The following AUH variants were observed in gnomAD, a reference collection of about 807,000 sequenced individuals.
The protein encoded by AUH is AU RNA binding methylglutaconyl-CoA hydratase, also known as methylglutaconyl-CoA hydratase, mitochondrial.
AUH carries 29 observed loss-of-function variants against 42.3 expected under a neutral mutation model. The observed-to-expected ratio is 0.69, with a 90% confidence interval of 0.51 to 0.93. The LOEUF is 0.93. Ranked by LOEUF, AUH falls within the 40% of genes least tolerant of loss-of-function variation. The pLI is 0.00. For missense variants in AUH, 452 were observed against 438.1 expected (o/e 1.03, Z -0.28); for synonymous variants, 174 against 166.4 (o/e 1.05, Z -0.35).
chr9:91,323,676 A>G (rs773838667), intron 4 of AUH, among the ~76,000 whole-genome samples: 11 of 152,126 alleles, frequency 7.2e-5, no homozygotes, highest in Admixed American at 6.6e-5. Context: ...CAAGACTACA[A>G]CGAAAACAAG....
At chr9:91,264,968 C>A (rs1829893299) in intron 6 of AUH, among the ~76,000 whole-genome samples, 1 of 152,162 alleles carries the variant, frequency 6.6e-6, no homozygotes, top group Admixed American at 6.5e-5. Context: ...GATGAAACAA[C>A]TGATGCCAGC....
chr9:91,332,844 C>G (rs905837124), intron 3 of AUH, among the ~76,000 whole-genome samples: 3 of 152,172 alleles, frequency 2.0e-5, no homozygotes, highest in Non-Finnish European at 4.4e-5. Flanking sequence ...GAGCATGGCC[C>G]GAGGGCAGAG....
At position 91,214,028 on chromosome 9, in the gene AUH, G is replaced by A. The variant is rs1826685063; in HGVS notation, c.*320C>T. Reference sequence around the variant, plus strand: ...GACATACAATCAATATTATTCCCTAGAATGTGCAATATATAAATTATTCAC... The same window carrying A: ...GACATACAATCAATATTATTCCCTAAAATGTGCAATATATAAATTATTCAC... On this transcript the variant is annotated 3_prime_UTR_variant, in exon 10 of 10. Transcript: ENST00000375731. 3.5e-6 allele frequency: 1 copy of A among 283,864 alleles called. No individual in the cohort carries two copies. Among genetic ancestry groups the A allele is most frequent in the Admixed American group, 4.7e-5 (1 of 21,142 alleles). The allele number at this position is 283,864 out of a possible 1,614,324, so 17.6% of individuals were successfully genotyped here. A position where few individuals can be genotyped will look rare whatever the true frequency, so the allele number is the denominator to read the frequency against.
At chr9:91,347,063 G>T (rs1007368389) in intron 3 of AUH, among the ~76,000 whole-genome samples, 4 of 151,826 alleles carry the variant, frequency 2.6e-5, no homozygotes, top group African/African-American at 9.7e-5. Flanking sequence ...TTGAGACAGG[G>T]TCTCACTTTG....
intron 6 of AUH, among the ~76,000 whole-genome samples, chr9:91,259,005 A>C (rs891163544): frequency 6.6e-5 from 10 of 152,076 alleles, no homozygotes; most frequent in African/African-American, 2.2e-4. Context: ...CTATTTTTGT[A>C]TTTGGTAGGA....
At chr9:91,245,681 GGCATT>G (rs977543337) in intron 6 of AUH, among the ~76,000 whole-genome samples, 17 of 152,070 alleles carry the variant, frequency 1.1e-4, no homozygotes, top group African/African-American at 4.1e-4. Context: ...GTGACTTATG[GGCATT>G]ATCTCATTCA....
Position 91,325,590 on chromosome 9 carries a change from T to G in AUH, c.419-186A>C, listed in dbSNP as rs915912892. On this transcript the variant is annotated intron_variant, in intron 3 of 9. Coordinates refer to ENST00000375731, the MANE Select transcript of AUH (RefSeq NM_001698.3). Reference sequence around the variant, plus strand: ...CAACAAGAATAAAGTATTTGTCTATTCATACGTCTACCATGTGCTTAAAGC... The same window carrying G: ...CAACAAGAATAAAGTATTTGTCTATGCATACGTCTACCATGTGCTTAAAGC... Among the ~76,000 whole-genome samples, 3 of 152,352 alleles carry G rather than the reference T, an allele frequency of 2.0e-5. No homozygotes were observed. In the South Asian group the frequency reaches 6.2e-4, roughly 32 times the overall value.
At chr9:91,328,094 G>A (rs1830083255) in intron 3 of AUH, among the ~76,000 whole-genome samples, 1 of 152,194 alleles carries the variant, frequency 6.6e-6, no homozygotes, top group Non-Finnish European at 1.5e-5. Context: ...GGCTGGCAAA[G>A]TGGCACTGAA....
In AUH at chr9:91,296,056, A is replaced by C. The variant is rs775913288; in HGVS notation, c.620T>G (p.Leu207Arg). 1.2e-6 allele frequency: 2 copies of C among 1,613,990 alleles called. No homozygotes were observed. Among genetic ancestry groups the C allele is most frequent in the Non-Finnish European group, 1.7e-6 (2 of 1,180,010 alleles). ...AATAATCGCCAATTTTGTTTCAACCAGGCCCATTTTTGCAGAGGAAGCTAA... is the reference window on the plus strand; with the variant it reads ...AATAATCGCCAATTTTGTTTCAACCCGGCCCATTTTTGCAGAGGAAGCTAA... ...RVAASSAKMG[L>R]VETKLAIIPG... The change falls in exon 6 of 10, where the codon CTG becomes CGG. Residue 207 changes from leucine (L) to arginine (R), a missense_variant. Physicochemically the swap from Leu to Arg is moderately radical, Grantham distance 102. Coordinates refer to ENST00000375731, the MANE Select transcript of AUH (RefSeq NM_001698.3).
At chr9:91,218,383 T>C (rs1437000914) in intron 7 of AUH, among the ~76,000 whole-genome samples, 1 of 152,242 alleles carries the variant, frequency 6.6e-6, no homozygotes, top group African/African-American at 2.4e-5. Flanking sequence ...AATCAATCCA[T>C]TTTATTAAAT....
chr9:91,360,733 C>T (rs1043551183), intron 1 of AUH, among the ~76,000 whole-genome samples: 1 of 152,192 alleles, frequency 6.6e-6, no homozygotes, highest in African/African-American at 2.4e-5. Context: ...TACTAATAAC[C>T]AGGATCTGCT....
At chr9:91,294,350 C>T (rs1827145684) in intron 6 of AUH, among the ~76,000 whole-genome samples, 1 of 152,152 alleles carries the variant, frequency 6.6e-6, no homozygotes, top group Non-Finnish European at 1.5e-5. Flanking sequence ...GAGATCAAGA[C>T]CATCCTGGCC....
chr9:91,217,047 G>A (rs1450322488), intron 8 of AUH, among the ~76,000 whole-genome samples: 2 of 152,122 alleles, frequency 1.3e-5, no homozygotes, highest in African/African-American at 4.8e-5. Flanking sequence ...TAAGCTTCAG[G>A]GCACTGGTAA....
intron 1 of AUH, among the ~76,000 whole-genome samples, chr9:91,360,866 G>A (rs1048821941): frequency 6.6e-6 from 1 of 152,094 alleles, no homozygotes; most frequent in Non-Finnish European, 1.5e-5. Context: ...GGAGGTTAAG[G>A]GTGGAAACTG....
At chr9:91,229,456 G>T (rs1490395653) in intron 6 of AUH, among the ~76,000 whole-genome samples, 1 of 150,596 alleles carries the variant, frequency 6.6e-6, no homozygotes, top group East Asian at 2.0e-4. Flanking sequence ...GTCTCTGCAC[G>T]TGAGATGGGC....
At chr9:91,285,082 T>C (rs554639583) in intron 6 of AUH, among the ~76,000 whole-genome samples, 3 of 152,306 alleles carry the variant, frequency 2.0e-5, no homozygotes, top group African/African-American at 7.2e-5. Context: ...AATGATAGAC[T>C]GGATTAAGAA....
At chr9:91,325,836 T>G (rs958236238) in intron 3 of AUH, among the ~76,000 whole-genome samples, 13 of 152,242 alleles carry the variant, frequency 8.5e-5, no homozygotes, top group Admixed American at 6.5e-4. Flanking sequence ...TGTCAGTTTA[T>G]CCACCACTGC....
intron 9 of AUH, 118 bp from the exon 10 acceptor site, chr9:91,214,543 T>C: frequency 1.3e-6 from 1 of 788,342 alleles, no homozygotes; most frequent in Non-Finnish European, 2.0e-6. Flanking sequence ...ATCAGTCACC[T>C]GAACAATTCT....
intron 6 of AUH, among the ~76,000 whole-genome samples, chr9:91,275,584 G>GGAATAAAT (rs1825477838): frequency 6.6e-6 from 1 of 152,166 alleles, no homozygotes; most frequent in African/African-American, 2.4e-5. Flanking sequence ...ACTTGACAGA[G>GGAATAAAT]TGAATCTTAA....
Sources: allele counts gnomAD v4.1 joint callset (sites outside exome capture counted in the v4.1 genomes callset), GRCh38; gene constraint gnomAD v4.1.1; transcripts MANE v1.5; gene names NCBI Gene and HGNC (gene_info 2026-07-23, HGNC 2026-07-21).